LDB2: variants seen among roughly 807,000 people sequenced by gnomAD.
LDB2 encodes the protein LIM domain-binding protein 2.
Under a neutral mutation model 44.3 loss-of-function variants are expected in LDB2, and 12 were observed. The ratio of observed to expected loss-of-function variants is 0.27; its 90% CI spans 0.17 to 0.44. The LOEUF (loss-of-function observed/expected upper bound fraction) is 0.44, where lower values mean the gene tolerates loss of function less well. Among genes scored for constraint, LDB2 ranks in the 20% least tolerant of loss-of-function variants. The probability of loss-of-function intolerance (pLI) is 1.00; values close to 1 mark genes in which losing one functional copy is unlikely to be tolerated. For missense variants in LDB2, 344 were observed against 473.5 expected, an observed-to-expected ratio of 0.73 and a Z score of 2.54; for synonymous variants, 164 against 174.8, an observed-to-expected ratio of 0.94 and a Z score of 0.49.
At chr4:16,685,353 T>C (rs546218915) in intron 2 of LDB2, among the ~76,000 whole-genome samples, 7 of 152,334 alleles carry the variant, frequency 4.6e-5, no homozygotes, top group Admixed American at 3.9e-4. Flanking sequence ...TTACCTCAGA[T>C]ACCTTTTACA....
At position 16,563,243 on chromosome 4, in the gene LDB2, T is replaced by TA. The variant is rs1296865654; in HGVS notation, c.615+22678dup. 3.3e-5 allele frequency among the ~76,000 whole-genome samples: 5 copies of TA among 150,972 alleles called. No homozygotes were observed. In the South Asian group the frequency reaches 6.3e-4, roughly 19 times the overall value. On this transcript the variant is annotated intron_variant, in intron 5 of 7. Transcript: ENST00000304523. ...ATAATAATAATAAAAAGACATTATT[T>TA]AAAAAAAAGGAAGCTAGATCTCCCT...
intron 2 of LDB2, among the ~76,000 whole-genome samples, chr4:16,654,831 A>G (rs908936913): frequency 6.6e-6 from 1 of 152,202 alleles, no homozygotes; most frequent in Admixed American, 6.5e-5. Context: ...TACTTTTAAA[A>G]TTTTATTTAG....
chr4:16,637,707 T>C (rs1734001223), intron 2 of LDB2, among the ~76,000 whole-genome samples: 2 of 152,048 alleles, frequency 1.3e-5, no homozygotes, highest in Admixed American at 1.3e-4. Context: ...GAAAGAAGAA[T>C]GGAAATAATG....
intron 2 of LDB2, among the ~76,000 whole-genome samples, chr4:16,690,479 A>G (rs865923630): frequency 2.7e-4 from 7 of 26,206 alleles, no homozygotes; most frequent in African/African-American, 6.6e-4. Flanking sequence ...GGAAGGAAGG[A>G]AGGGAGGGAG....
At chr4:16,727,700 C>T (rs1185677601) in intron 2 of LDB2, among the ~76,000 whole-genome samples, 3 of 152,136 alleles carry the variant, frequency 2.0e-5, no homozygotes, top group Admixed American at 6.6e-5. Flanking sequence ...CTCCCGAAAG[C>T]TAATTTTTAT....
intron 3 of LDB2, among the ~76,000 whole-genome samples, chr4:16,590,299 C>T (rs1445756264): frequency 6.6e-6 from 1 of 152,088 alleles, no homozygotes; most frequent in Non-Finnish European, 1.5e-5. Context: ...AACAAACATA[C>T]AACACTCCAG....
At chr4:16,678,158 G>T (rs368828031) in intron 2 of LDB2, among the ~76,000 whole-genome samples, 38 of 152,274 alleles carry the variant, frequency 2.5e-4, no homozygotes, top group African/African-American at 8.2e-4. Context: ...CCCTAAAAAG[G>T]AATGGCAGTG....
At chr4:16,564,890 C>G (rs1324037690) in intron 5 of LDB2, among the ~76,000 whole-genome samples, 1 of 152,044 alleles carries the variant, frequency 6.6e-6, no homozygotes. Context: ...AGAATATTAC[C>G]CAAATGGTCA....
At chr4:16,854,795 A>C (rs1248857568) in intron 1 of LDB2, among the ~76,000 whole-genome samples, 2 of 151,790 alleles carry the variant, frequency 1.3e-5, no homozygotes, top group African/African-American at 4.8e-5. Flanking sequence ...TATATTAATG[A>C]ACAACACATT....
At chr4:16,841,147 T>C (rs1785821044) in intron 1 of LDB2, among the ~76,000 whole-genome samples, 1 of 152,214 alleles carries the variant, frequency 6.6e-6, no homozygotes, top group East Asian at 1.9e-4. Context: ...TTTTTTTTCT[T>C]ACCCCTGTAA....
At chr4:16,542,108 G>T (rs1293611124) in intron 5 of LDB2, among the ~76,000 whole-genome samples, 2 of 147,350 alleles carry the variant, frequency 1.4e-5, no homozygotes, top group Non-Finnish European at 3.0e-5. Context: ...TGGTGGGGGG[G>T]GGGGCGCGAG....
chr4:16,807,599 C>T (rs1779027281), intron 1 of LDB2, among the ~76,000 whole-genome samples: 1 of 152,224 alleles, frequency 6.6e-6, no homozygotes, highest in Non-Finnish European at 1.5e-5. Flanking sequence ...TGGCTGCTTA[C>T]AGCTAATGAG....
At chr4:16,894,014 G>C (rs1020870009) in intron 1 of LDB2, among the ~76,000 whole-genome samples, 3 of 152,032 alleles carry the variant, frequency 2.0e-5, no homozygotes, top group African/African-American at 7.2e-5. Flanking sequence ...CCACTGTAAT[G>C]TTTCTCATAT....
At chr4:16,888,643 A>C in intron 1 of LDB2, 1 of 836,260 alleles carries the variant, frequency 1.2e-6, no homozygotes, top group Non-Finnish European at 1.4e-6. Context: ...AGATACTTTT[A>C]AGAAATGAAG....
At chr4:16,751,276 A>C (rs1445069685) in intron 2 of LDB2, among the ~76,000 whole-genome samples, 2 of 152,250 alleles carry the variant, frequency 1.3e-5, no homozygotes, top group Non-Finnish European at 2.9e-5. Flanking sequence ...TTAGGGGATA[A>C]TAAAAACATA....
chr4:16,825,709 A>G (rs1307949603), intron 1 of LDB2, among the ~76,000 whole-genome samples: 1 of 152,132 alleles, frequency 6.6e-6, no homozygotes, highest in Non-Finnish European at 1.5e-5. Flanking sequence ...TGAAACAGAA[A>G]AACATCCAGA....
intron 2 of LDB2, among the ~76,000 whole-genome samples, chr4:16,708,888 T>C (rs966601800): frequency 4.0e-5 from 6 of 151,828 alleles, no homozygotes; most frequent in Non-Finnish European, 7.4e-5. Context: ...AAAGGGAAAA[T>C]GACAATAATC....
At chr4:16,626,951 G>A (rs1341759229) in intron 2 of LDB2, 1 of 152,086 alleles carries the variant, frequency 6.6e-6, no homozygotes, top group Admixed American at 6.6e-5. Context: ...TATAGACAAA[G>A]GATTCTCCAG....
intron 2 of LDB2, among the ~76,000 whole-genome samples, chr4:16,659,671 G>GTGTGTGTATATATA (rs1315288524): frequency 6.7e-5 from 9 of 133,518 alleles, no homozygotes; most frequent in African/African-American, 2.7e-4. Flanking sequence ...ATCTATGTGT[G>GTGTGTGTATATATA]TATATATATA....
Sources: gnomAD v4.1 joint callset for allele counts (sites outside exome capture counted in the v4.1 genomes callset) on GRCh38, gnomAD v4.1.1 for gene constraint, MANE v1.5 for transcripts, NCBI Gene and HGNC (gene_info 2026-07-23, HGNC 2026-07-21) for gene names.